RAPGEF6: variants seen among roughly 807,000 people sequenced by gnomAD.
RAPGEF6 encodes PDZ domain containing guanine nucleotide exchange factor (GEF) 2.
RAPGEF6 carries 56 observed loss-of-function variants against 171.4 expected under a neutral mutation model. The ratio of observed to expected loss-of-function variants is 0.33; its 90% CI spans 0.26 to 0.41. RAPGEF6 has a LOEUF of 0.41. RAPGEF6 is among the 10% of genes least tolerant of loss of function. RAPGEF6 has a pLI of 1.00. For synonymous variants in RAPGEF6, 692 were observed against 650.1 expected (o/e 1.06, Z -0.98); for missense variants, 1,674 against 1,921.4 (o/e 0.87, Z 2.41).
chr5:131,553,083 C>G (rs1458093380), intron 5 of RAPGEF6, among the ~76,000 whole-genome samples: 4 of 152,192 alleles, frequency 2.6e-5, no homozygotes, highest in African/African-American at 9.7e-5. Flanking sequence ...CTCCTCCCAA[C>G]TGCCAGGCTA....
chr5:131,606,995 A>T (rs926419874), intron 1 of RAPGEF6, among the ~76,000 whole-genome samples: 4 of 152,236 alleles, frequency 2.6e-5, no homozygotes, highest in African/African-American at 9.6e-5. Flanking sequence ...GAGTCATGGC[A>T]AAAGTGTGGC....
chr5:131,483,025 G>T (rs1188262818), intron 15 of RAPGEF6, among the ~76,000 whole-genome samples: 1 of 152,166 alleles, frequency 6.6e-6, no homozygotes, highest in Admixed American at 6.5e-5. Context: ...TTAGTAGTGT[G>T]TATATAAGGT....
At chr5:131,565,255 A>C (rs946391902) in intron 4 of RAPGEF6, among the ~76,000 whole-genome samples, 31 of 125,974 alleles carry the variant, frequency 2.5e-4, no homozygotes, top group African/African-American at 1.3e-3. Flanking sequence ...ATCAGAAAAT[A>C]AAATCTTTTG....
intron 9 of RAPGEF6, among the ~76,000 whole-genome samples, chr5:131,506,415 C>A (rs772943822): frequency 7.2e-5 from 11 of 152,156 alleles, no homozygotes; most frequent in Non-Finnish European, 1.6e-4. Flanking sequence ...CAAGCATGAG[C>A]CACTGCACCT....
At chr5:131,481,126 T>G (rs542180747) in intron 15 of RAPGEF6, among the ~76,000 whole-genome samples, 2 of 151,842 alleles carry the variant, frequency 1.3e-5, no homozygotes, top group Non-Finnish European at 2.9e-5. Context: ...GGTTTCTCCA[T>G]GTTGGTCAGG....
rs59452448 is a variant in RAPGEF6 at position 131,521,358 on chromosome 5, T to C, written c.627+32A>G. ...GAATATCTGGCAAATAAAAAAACCA[T>C]ATACGCAGCATACAAATTCCTAAGG... is the stretch of plus-strand genomic sequence containing the variant. On this transcript the variant is annotated intron_variant, in intron 7 of 27. Coordinates refer to ENST00000509018, the MANE Select transcript of RAPGEF6 (RefSeq NM_016340.6). 595 of 1,557,966 alleles carry C rather than the reference T, an allele frequency of 3.8e-4. 3 individuals are homozygous for C. The African/African-American group carries it at 7.3e-3, about 19-fold the overall frequency.
chr5:131,635,163 A>G lies in RAPGEF6; in HGVS notation c.-133T>C, dbSNP rs1430203255. The stretch of plus-strand genomic sequence containing the variant: ...CGCGCCGTAACAAGGTCCGAACTCT[A>G]GCAAACAACCCTTCGCAACGCCCGC... On this transcript the variant is annotated 5_prime_UTR_variant, in exon 1 of 28. Coordinates refer to ENST00000509018, the MANE Select transcript of RAPGEF6 (RefSeq NM_016340.6). 1.1e-6 allele frequency: 1 copy of G among 933,392 alleles called. No individual in the cohort carries two copies. The highest frequency in any genetic ancestry group is 1.7e-5 in the African/African-American group (1 of 59,584). The allele number at this position is 933,392 out of a possible 1,614,324, so 57.8% of individuals were successfully genotyped here. A position where few individuals can be genotyped will look rare whatever the true frequency, so the allele number is the denominator to read the frequency against.
In RAPGEF6 at chr5:131,460,060, A is replaced by T. The variant is rs138851656; in HGVS notation, c.2864+1645T>A. On this transcript the variant is annotated intron_variant, in intron 19 of 27. Coordinates refer to ENST00000509018, the MANE Select transcript of RAPGEF6 (RefSeq NM_016340.6). Reference sequence around the variant, plus strand: ...ACATGAAGTACAAGAATACAAAACAATTATCTTAAAAAGAATACAAAAGAA... The same window carrying T: ...ACATGAAGTACAAGAATACAAAACATTTATCTTAAAAAGAATACAAAAGAA... Among the ~76,000 whole-genome samples, 3 of 152,336 alleles carry T rather than the reference A, an allele frequency of 2.0e-5. 1 individual carries two copies. In the East Asian group the frequency reaches 5.8e-4, roughly 29 times the overall value.
chr5:131,570,650 G>C (rs1228528479), intron 4 of RAPGEF6, among the ~76,000 whole-genome samples: 2 of 151,976 alleles, frequency 1.3e-5, no homozygotes, highest in Non-Finnish European at 2.9e-5. Flanking sequence ...ACATGGGTGA[G>C]CTATAAAAAC....
intron 4 of RAPGEF6, among the ~76,000 whole-genome samples, chr5:131,563,903 C>T (rs1761764605): frequency 6.6e-6 from 1 of 152,244 alleles, no homozygotes; most frequent in Admixed American, 6.5e-5. Context: ...TAAAAGTTTG[C>T]TTTCATGCAA....
intron 5 of RAPGEF6, among the ~76,000 whole-genome samples, chr5:131,555,899 C>G (rs1236160950): frequency 6.6e-6 from 1 of 152,108 alleles, no homozygotes; most frequent in Non-Finnish European, 1.5e-5. Context: ...AGTGCACTTA[C>G]ACATAGACAG....
chr5:131,574,584 A>T (rs1256857678), intron 4 of RAPGEF6, among the ~76,000 whole-genome samples: 2 of 151,314 alleles, frequency 1.3e-5, no homozygotes, highest in Admixed American at 6.6e-5. Context: ...TCTTTTATGC[A>T]CTCTTTTTTA....
At chr5:131,578,529 A>G (rs555990353) in intron 4 of RAPGEF6, among the ~76,000 whole-genome samples, 1 of 151,446 alleles carries the variant, frequency 6.6e-6, no homozygotes, top group East Asian at 1.9e-4. Context: ...CTGCCACACT[A>G]CTCCGCATCT....
chr5:131,521,405 T>C lies in RAPGEF6; in HGVS notation c.612A>G (p.Leu204=), dbSNP rs778862885. The part of the protein sequence containing the change: ...SIASDSGSSS[L]SDIYQATESE... ...AAGGTATTACCTGATAGATATCAGA[T>C]AAACTGCTGCTTCCAGAGTCACTGG... is the stretch of plus-strand genomic sequence containing the variant. Residue 204 remains leucine, a synonymous_variant, in exon 7 of 28, where the codon TTA becomes TTG. Coordinates refer to ENST00000509018, the MANE Select transcript of RAPGEF6 (RefSeq NM_016340.6). The C allele has an allele frequency of 2.5e-6, 4 of 1,608,838 alleles. No individual in the cohort carries two copies. The highest frequency in any genetic ancestry group is 1.3e-5 in the African/African-American group (1 of 74,760).
intron 17 of RAPGEF6, 64 bp downstream of exon 17, chr5:131,472,523 G>T: frequency 6.5e-7 from 1 of 1,547,398 alleles, no homozygotes; most frequent in Non-Finnish European, 8.9e-7. Context: ...GCTGCACAAG[G>T]CTTAACCATC....
intron 24 of RAPGEF6, chr5:131,436,207 G>C: frequency 1.3e-6 from 2 of 1,537,586 alleles, no homozygotes; most frequent in Middle Eastern, 1.7e-4. Flanking sequence ...TTTTCTGGTT[G>C]TGTTCTCACA....
intron 17 of RAPGEF6, 157 bp downstream of exon 17, chr5:131,472,430 A>T: frequency 1.2e-6 from 1 of 852,308 alleles, no homozygotes; most frequent in Non-Finnish European, 1.9e-6. Context: ...CATTCAAATT[A>T]ACAGAACAAG....
intron 6 of RAPGEF6, among the ~76,000 whole-genome samples, chr5:131,543,342 A>C (rs1165695322): frequency 1.3e-5 from 2 of 152,204 alleles, no homozygotes; most frequent in Non-Finnish European, 2.9e-5. Flanking sequence ...TAAAGAAATT[A>C]AATAATACTT....
chr5:131,595,544 T>G (rs1763847005), intron 3 of RAPGEF6, among the ~76,000 whole-genome samples: 1 of 151,890 alleles, frequency 6.6e-6, no homozygotes, highest in African/African-American at 2.4e-5. Context: ...GCTAGCTCTA[T>G]AGTAAACATA....
Sources: allele counts gnomAD v4.1 joint callset (sites outside exome capture counted in the v4.1 genomes callset), GRCh38; gene constraint gnomAD v4.1.1; transcripts MANE v1.5; gene names NCBI Gene and HGNC (gene_info 2026-07-23, HGNC 2026-07-21).